Variants in DCC observed in about 807,000 individuals in gnomAD.
DCC encodes the protein netrin receptor DCC.
Under a neutral mutation model 172.5 loss-of-function variants are expected in DCC, and 58 were observed. The observed-to-expected ratio is 0.34, with a 90% CI of 0.27 to 0.42. The LOEUF is 0.42. DCC is among the 10% of genes least tolerant of loss of function. The probability of loss-of-function intolerance (pLI) is 1.00; values close to 1 mark genes in which losing one functional copy is unlikely to be tolerated. For synonymous variants in DCC, 709 were observed against 644.5 expected (o/e 1.10, Z -1.52); for missense variants, 1,740 against 1,791.0 (o/e 0.97, Z 0.51).
rs869070422 is a variant in DCC, at chr18:53,023,401, C to CAAAAAAAAAA, written c.986-39885_986-39876dup. Among the ~76,000 whole-genome samples, 27 of 24,418 alleles carry CAAAAAAAAAA rather than the reference C, an allele frequency of 1.1e-3. 5 individuals are homozygous for CAAAAAAAAAA. The highest frequency in any genetic ancestry group is 4.0e-3 in the East Asian group (2 of 502). 16.0% of individuals were successfully genotyped at this position (24,418 alleles called of 152,430 possible). ...GGACAAACACATATATAACTCAGACCAAAAAAAAAAAAAAAAAAAAAAAAA... is the reference window on the plus strand; with the variant it reads ...GGACAAACACATATATAACTCAGACCAAAAAAAAAAAAAAAAAAAAAAAAAAAAAAAAAAA... On this transcript the variant is annotated intron_variant, in intron 5 of 28. Transcript: ENST00000442544.
chr18:52,382,429 T>C (rs925949411), intron 1 of DCC, among the ~76,000 whole-genome samples: 1 of 152,138 alleles, frequency 6.6e-6, no homozygotes, highest in Non-Finnish European at 1.5e-5. Context: ...ATAAAATAAA[T>C]GCCTTAATGA....
chr18:52,864,838 C>G (rs1373723636), intron 2 of DCC, among the ~76,000 whole-genome samples: 2 of 151,708 alleles, frequency 1.3e-5, no homozygotes, highest in South Asian at 2.1e-4. Context: ...TCATCCATGT[C>G]CCTGCAAAGG....
chr18:53,368,690 A>T (rs933282230), intron 15 of DCC, among the ~76,000 whole-genome samples: 1 of 152,092 alleles, frequency 6.6e-6, no homozygotes, highest in African/African-American at 2.4e-5. Flanking sequence ...CCATTTGTTG[A>T]AAAGACTGTC....
At chr18:52,570,538 A>G (rs1270005775) in intron 1 of DCC, among the ~76,000 whole-genome samples, 1 of 152,216 alleles carries the variant, frequency 6.6e-6, no homozygotes, top group Admixed American at 6.5e-5. Flanking sequence ...TTATGGGTTC[A>G]TTAGCAATGA....
intron 1 of DCC, among the ~76,000 whole-genome samples, chr18:52,494,514 T>C (rs1255539990): frequency 6.6e-6 from 1 of 152,132 alleles, no homozygotes; most frequent in African/African-American, 2.4e-5. Context: ...TACTTTCCGA[T>C]ATTTTTCATT....
chr18:53,072,974 A>C (rs1203739855), intron 7 of DCC, among the ~76,000 whole-genome samples: 1 of 152,220 alleles, frequency 6.6e-6, no homozygotes, highest in African/African-American at 2.4e-5. Flanking sequence ...GAATTAAATC[A>C]GAATAATGTA....
chr18:53,206,868 T>G (rs1156493456), intron 10 of DCC, among the ~76,000 whole-genome samples: 1 of 151,628 alleles, frequency 6.6e-6, no homozygotes, highest in Non-Finnish European at 1.5e-5. Context: ...ATGATCAGAA[T>G]TTTTACTTAA....
chr18:53,166,799 CA>C (rs1300470589), intron 8 of DCC, among the ~76,000 whole-genome samples: 1 of 152,156 alleles, frequency 6.6e-6, no homozygotes, highest in African/African-American at 2.4e-5. Context: ...TTCCAGTCTT[CA>C]TTATGCTTTT....
intron 5 of DCC, among the ~76,000 whole-genome samples, chr18:53,014,987 A>G (rs2041788971): frequency 1.3e-5 from 2 of 152,204 alleles, no homozygotes; most frequent in Admixed American, 6.5e-5. Context: ...CACAATTAAA[A>G]TTAGAATGCA....
At position 53,335,348 on chromosome 18, in the gene DCC, T is replaced by G. The variant is rs529670920; in HGVS notation, c.2165-4365T>G. On this transcript the variant is annotated intron_variant, in intron 14 of 28. Coordinates refer to ENST00000442544, the MANE Select transcript of DCC (RefSeq NM_005215.4). ...TTATTTGTTTATTAGGACTTATGTTTTGTCTTTCCTCTCCCACCACTATAT... is the reference window on the plus strand; with the variant it reads ...TTATTTGTTTATTAGGACTTATGTTGTGTCTTTCCTCTCCCACCACTATAT... Among the ~76,000 whole-genome samples, 42 of 152,292 alleles carry G rather than the reference T, an allele frequency of 2.8e-4. No homozygotes were observed. The South Asian group carries it at 6.8e-3, about 25-fold the overall frequency.
chr18:53,016,915 T>C (rs191030718), intron 5 of DCC, among the ~76,000 whole-genome samples: 7 of 152,328 alleles, frequency 4.6e-5, no homozygotes, highest in Non-Finnish European at 4.4e-5. Flanking sequence ...AGATGTCCTC[T>C]GTGAGAAGAT....
chr18:52,790,909 T>G (rs2037752967), intron 2 of DCC, among the ~76,000 whole-genome samples: 1 of 152,122 alleles, frequency 6.6e-6, no homozygotes, highest in African/African-American at 2.4e-5. Flanking sequence ...CATTAGAAAA[T>G]TGGCCTAAGT....
At chr18:53,018,618 A>G (rs946488049) in intron 5 of DCC, among the ~76,000 whole-genome samples, 2 of 152,186 alleles carry the variant, frequency 1.3e-5, no homozygotes. Context: ...TTCTGAAATT[A>G]AAAAGACCAG....
intron 12 of DCC, among the ~76,000 whole-genome samples, chr18:53,233,579 G>A (rs2056155133): frequency 6.6e-6 from 1 of 152,116 alleles, no homozygotes; most frequent in Non-Finnish European, 1.5e-5. Context: ...AAAAATGAGT[G>A]ATAAACAGAA....
At chr18:53,443,114 G>A (rs1478509361) in intron 22 of DCC, among the ~76,000 whole-genome samples, 1 of 152,150 alleles carries the variant, frequency 6.6e-6, no homozygotes, top group African/African-American at 2.4e-5. Context: ...CTAAACAAGA[G>A]ATTTTCAACA....
At chr18:53,468,929 G>T (rs1254115965) in intron 25 of DCC, among the ~76,000 whole-genome samples, 1 of 152,200 alleles carries the variant, frequency 6.6e-6, no homozygotes, top group East Asian at 1.9e-4. Context: ...TAGATGGTTA[G>T]TTCCTCTATG....
chr18:53,238,066 G>A (rs1193839187), intron 12 of DCC, among the ~76,000 whole-genome samples: 1 of 152,120 alleles, frequency 6.6e-6, no homozygotes, highest in Non-Finnish European at 1.5e-5. Context: ...GATAAACTTT[G>A]TAGATGTCAG....
At chr18:52,423,069 A>G (rs1227365391) in intron 1 of DCC, among the ~76,000 whole-genome samples, 1 of 152,158 alleles carries the variant, frequency 6.6e-6, no homozygotes, top group Non-Finnish European at 1.5e-5. Flanking sequence ...CTTTCCTGGG[A>G]CACCTGGATT....
intron 8 of DCC, among the ~76,000 whole-genome samples, chr18:53,177,564 C>G (rs1466882843): frequency 6.6e-6 from 1 of 152,090 alleles, no homozygotes; most frequent in Non-Finnish European, 1.5e-5. Context: ...CAGCTCTTCT[C>G]TAGAATTATT....
Sources: allele counts gnomAD v4.1 joint callset (sites outside exome capture counted in the v4.1 genomes callset), GRCh38; gene constraint gnomAD v4.1.1; transcripts MANE v1.5; gene names NCBI Gene and HGNC (gene_info 2026-07-23, HGNC 2026-07-21).